TPRN: variants seen among roughly 807,000 people sequenced by gnomAD.
TPRN encodes the protein taperin, also known as chromosome 9 open reading frame 75.
In TPRN, 32 loss-of-function variants were observed where a neutral mutation model predicts 42.6. The observed-to-expected ratio is 0.75, with a 90% confidence interval of 0.57 to 1.01. The LOEUF (loss-of-function observed/expected upper bound fraction) is 1.01. Ranked by LOEUF, TPRN falls within the 50% of genes least tolerant of loss-of-function variation. The probability of loss-of-function intolerance (pLI) is 0.00; values close to 1 mark genes in which losing one functional copy is unlikely to be tolerated. For synonymous variants in TPRN, 541 were observed against 445.6 expected, an observed-to-expected ratio of 1.21 and a Z score of -2.70; for missense variants, 1,095 against 957.5, an observed-to-expected ratio of 1.14 and a Z score of -1.90.
In TPRN at chr9:137,192,382, A is replaced by T. The variant is rs746404370; in HGVS notation, c.1967-17T>A. On this transcript the variant is annotated splice_polypyrimidine_tract_variant and intron_variant, in intron 2 of 3. Coordinates refer to ENST00000409012, the MANE Select transcript of TPRN (RefSeq NM_001128228.3). ...TGGACAGGCCTGTGAATGGAGGTGC[A>T]CATGCAGACGTGGACACAGACCAGG... 35 of 1,612,730 alleles carry T rather than the reference A, an allele frequency of 2.2e-5. No individual in the cohort carries two copies. Among genetic ancestry groups the T allele is most frequent in the Non-Finnish European group, 3.0e-5 (35 of 1,179,960 alleles).
chr9:137,200,574 C>A lies in TPRN; in HGVS notation c.138G>T (p.Gln46His). ...GGCCCAGGCTCTCGGCCAGCACCCG[C>A]TGCTCGGGCTCCGCCGCCCCGGGCC... ...GAGPGAAEPEQRVLAESLGPL... is the reference protein window; with the variant it reads ...GAGPGAAEPEHRVLAESLGPL... The change falls in exon 1 of 4, where the codon CAG (glutamine) becomes CAT (histidine). Residue 46 changes from glutamine to histidine, a missense_variant. Gln to His is a conservative substitution (Grantham distance 24). Coordinates refer to ENST00000409012, the MANE Select transcript of TPRN (RefSeq NM_001128228.3). The surrounding 1 kb of genome is among the most constrained non-coding windows in gnomAD (Gnocchi z 4.3). The A allele has an allele frequency of 8.7e-7, 1 of 1,150,046 alleles. No homozygotes were observed. The highest frequency in any genetic ancestry group is 4.6e-5 in the East Asian group (1 of 21,964). The allele number at this position is 1,150,046 out of a possible 1,614,324, so 71.2% of individuals were successfully genotyped here.
intron 1 of TPRN, 142 bp from the exon 2 acceptor site, chr9:137,192,833 G>A: frequency 1.2e-6 from 1 of 859,188 alleles, no homozygotes; most frequent in Non-Finnish European, 1.9e-6. Context: ...GCTCCAGGAG[G>A]GGGCACAGAG....
At chr9:137,193,520 A>C (rs1834659595) in intron 1 of TPRN, 1 of 152,366 alleles carries the variant, frequency 6.6e-6, no homozygotes, top group South Asian at 2.1e-4. Flanking sequence ...GCTGGTTCCC[A>C]GGGGTAATGG....
At chr9:137,194,185 C>T (rs1372661788) in intron 1 of TPRN, 1 of 152,400 alleles carries the variant, frequency 6.6e-6, no homozygotes, top group East Asian at 1.9e-4. Flanking sequence ...GAGGAAAGCA[C>T]CCGCTCCTGT....
chr9:137,192,407 G>A (rs1245209149), intron 2 of TPRN, 42 bp from the exon 3 acceptor site: 1 of 1,611,902 alleles, frequency 6.2e-7, no homozygotes, highest in Admixed American at 1.7e-5. Context: ...CACAGACCAG[G>A]CTCCACCCCT....
rs149599810 is a variant in TPRN, at chr9:137,192,205, T to C, written c.2074-31A>G. On this transcript the variant is annotated intron_variant, in intron 3 of 3. Transcript: ENST00000409012. Reference sequence around the variant, plus strand: ...AGTGAGAGGACAGAATGTGGACACATGGGCTCGCCCGGGTGTCAGACTCCC... The same window carrying C: ...AGTGAGAGGACAGAATGTGGACACACGGGCTCGCCCGGGTGTCAGACTCCC... The C allele has an allele frequency of 2.8e-4, 459 of 1,613,344 alleles. 1 individual carries two copies. In the African/African-American group the frequency reaches 5.4e-3, roughly 19 times the overall value.
In TPRN at chr9:137,200,008, G is replaced by A; in HGVS notation, c.704C>T (p.Ala235Val). Reference sequence around the variant, plus strand: ...AGGCGGGGAGCCCGCGAGGCGGTTGGCAGGGCCGGCCCGGGGCTCAGGGGC... The same window carrying A: ...AGGCGGGGAGCCCGCGAGGCGGTTGACAGGGCCGGCCCGGGGCTCAGGGGC... ...HSAPEPRAGPANRLAGSPPGS... is the reference protein window; with the variant it reads ...HSAPEPRAGPVNRLAGSPPGS... Residue 235 changes from alanine to valine, a missense_variant, in exon 1 of 4, where the codon GCC (alanine) becomes GTC (valine). Transcript: ENST00000409012. The surrounding 1 kb of genome is among the most constrained non-coding windows in gnomAD (Gnocchi z 4.3). 6.9e-7 allele frequency: 1 copy of A among 1,444,992 alleles called. No individual in the cohort carries two copies. Among genetic ancestry groups the A allele is most frequent in the East Asian group, 2.5e-5 (1 of 40,086 alleles). 89.5% of individuals were successfully genotyped at this position (1,444,992 alleles called of 1,614,324 possible). A position where few individuals can be genotyped will look rare whatever the true frequency, so the allele number is the denominator to read the frequency against.
chr9:137,200,130 G>T lies in TPRN; in HGVS notation c.582C>A (p.Ser194Arg), dbSNP rs1376588720. ...GGGASPGARRSDFLQKTGSNS... is the reference protein window; with the variant it reads ...GGGASPGARRRDFLQKTGSNS... ...TGCTGCCGGTCTTCTGGAGGAAGTC[G>T]CTGCGCCGGGCCCCGGGGCTCGCCC... Residue 194 changes from serine (S) to arginine (R), a missense_variant, in exon 1 of 4, where the codon AGC becomes AGA. Ser to Arg is a moderately radical substitution (Grantham distance 110). Coordinates refer to ENST00000409012, the MANE Select transcript of TPRN (RefSeq NM_001128228.3). This position sits in a 1 kb window ranked among gnomAD's most constrained non-coding sequence, Gnocchi z 4.3. 8 of 1,231,954 alleles carry T rather than the reference G, an allele frequency of 6.5e-6. No individual in the cohort carries two copies. Among genetic ancestry groups the T allele is most frequent in the Non-Finnish European group, 7.1e-6 (7 of 988,214 alleles). 76.3% of individuals were successfully genotyped at this position (1,231,954 alleles called of 1,614,324 possible). A position where few individuals can be genotyped will look rare whatever the true frequency, so the allele number is the denominator to read the frequency against.
rs1313366490 is a variant in TPRN, at chr9:137,199,410, C to T, written c.1302G>A (p.Glu434=). ...PAASEEAEPA[E]GLRVPGLAKN... ...TGGCCAAGCCAGGAACCCTGAGGCCCTCAGCAGGCTCAGCTTCTTCCGAAG... is the reference window on the plus strand; with the variant it reads ...TGGCCAAGCCAGGAACCCTGAGGCCTTCAGCAGGCTCAGCTTCTTCCGAAG... Residue 434 remains glutamate (E), a synonymous_variant, in exon 1 of 4, where the codon GAG becomes GAA. Transcript: ENST00000409012. 5 of 1,612,176 alleles carry T rather than the reference C, an allele frequency of 3.1e-6. No individual in the cohort carries two copies. Among genetic ancestry groups the T allele is most frequent in the Non-Finnish European group, 4.2e-6 (5 of 1,179,734 alleles).
intron 1 of TPRN, among the ~76,000 whole-genome samples, chr9:137,197,138 G>A (rs936483138): frequency 4.6e-5 from 7 of 152,176 alleles, no homozygotes; most frequent in South Asian, 4.1e-4. Context: ...TCACTCTGTC[G>A]CCCAGGCTGG....
Position 137,192,248 on chromosome 9 carries a change from C to G in TPRN, c.2073+11G>C. ...AGACTCCCCCCAGCGCTCCACTCCCCCGCATCTCACCATGGCCTCCACGGG... is the reference window on the plus strand; with the variant it reads ...AGACTCCCCCCAGCGCTCCACTCCCGCGCATCTCACCATGGCCTCCACGGG... On this transcript the variant is annotated intron_variant, in intron 3 of 3. Coordinates refer to ENST00000409012, the MANE Select transcript of TPRN (RefSeq NM_001128228.3). The G allele has an allele frequency of 6.2e-7, 1 of 1,613,182 alleles. No homozygotes were observed. Among genetic ancestry groups the G allele is most frequent in the Non-Finnish European group, 8.5e-7 (1 of 1,180,012 alleles).
intron 1 of TPRN, among the ~76,000 whole-genome samples, chr9:137,195,298 C>T (rs1463584113): frequency 1.3e-5 from 2 of 152,252 alleles, no homozygotes; most frequent in Non-Finnish European, 2.9e-5. Flanking sequence ...GCGCCAGGCA[C>T]GGCCTCCACC....
At position 137,200,220 on chromosome 9, in the gene TPRN, GGGCGGCGGCGGC is replaced by G; in HGVS notation, c.480_491del (p.Pro161_Pro164del). ...CCGCGGGCGGGGGCCGGGGCGGCGC[GGGCGGCGGCGGC>G]GGCGGCGGGGGGCGGGCGCGCTCGG... On this transcript the variant is annotated inframe_deletion, in exon 1 of 4. Coordinates refer to ENST00000409012, the MANE Select transcript of TPRN (RefSeq NM_001128228.3). This position sits in a 1 kb window ranked among gnomAD's most constrained non-coding sequence, Gnocchi z 4.3. 1 of 958,710 alleles carries G rather than the reference GGGCGGCGGCGGC, an allele frequency of 1.0e-6. No individual in the cohort carries two copies. The highest frequency in any genetic ancestry group is 1.2e-6 in the Non-Finnish European group (1 of 810,546). The allele number at this position is 958,710 out of a possible 1,614,324, so 59.4% of individuals were successfully genotyped here. A position where few individuals can be genotyped will look rare whatever the true frequency, so the allele number is the denominator to read the frequency against.
At position 137,199,061 on chromosome 9, in the gene TPRN, C is replaced by T; in HGVS notation, c.1651G>A (p.Glu551Lys). ...AGGTAGCCGCCAATCACCTCGATCT[C>T]ATGCACGGTGGGGTAGCGCTTCTTC... is the stretch of plus-strand genomic sequence containing the variant. ...TLKKRYPTVHEIEVIGGYLAL... is the reference protein window; with the variant it reads ...TLKKRYPTVHKIEVIGGYLAL... The change falls in exon 1 of 4, where the codon GAG becomes AAG. Residue 551 changes from glutamate to lysine, a missense_variant. Physicochemically the swap from Glu to Lys is moderately conservative, Grantham distance 56. Transcript: ENST00000409012. 6.2e-7 allele frequency: 1 copy of T among 1,613,362 alleles called. No homozygotes were observed. The highest frequency in any genetic ancestry group is 8.5e-7 in the Non-Finnish European group (1 of 1,180,014).
In TPRN at chr9:137,192,305, AGCGCCTGCTCCT is replaced by A. The variant is rs1834633490; in HGVS notation, c.2015_2026del (p.Gln672_Ala675del). 4 of 1,612,928 alleles carry A rather than the reference AGCGCCTGCTCCT, an allele frequency of 2.5e-6. No homozygotes were observed. The highest frequency in any genetic ancestry group is 2.5e-6 in the Non-Finnish European group (3 of 1,180,002). ...CTCTGCCTCCCTCGGGGCCTGCTCC[AGCGCCTGCTCCT>A]GCCACTTGCTGAAGGCCACAGAGTG... On this transcript the variant is annotated inframe_deletion, in exon 3 of 4. Transcript: ENST00000409012.
In TPRN at chr9:137,200,665, G is replaced by A. The variant is rs955029230; in HGVS notation, c.47C>T (p.Pro16Leu). Residue 16 changes from proline to leucine, a missense_variant, in exon 1 of 4, where the codon CCC becomes CTC. Pro to Leu is a moderately conservative substitution (Grantham distance 98). Coordinates refer to ENST00000409012, the MANE Select transcript of TPRN (RefSeq NM_001128228.3). This position sits in a 1 kb window ranked among gnomAD's most constrained non-coding sequence, Gnocchi z 4.3. ...RPGSGPRAAV[P>L]AWKREILERK... ...CTCCAGGATCTCACGCTTCCAAGCGGGCACCGCAGCGCGCGGCCCCGAGCC... is the reference window on the plus strand; with the variant it reads ...CTCCAGGATCTCACGCTTCCAAGCGAGCACCGCAGCGCGCGGCCCCGAGCC... 4.0e-6 allele frequency: 5 copies of A among 1,237,472 alleles called. No individual in the cohort carries two copies. Among genetic ancestry groups the A allele is most frequent in the Admixed American group, 3.4e-5 (1 of 29,702 alleles). The allele number at this position is 1,237,472 out of a possible 1,614,324, so 76.7% of individuals were successfully genotyped here.
intron 1 of TPRN, among the ~76,000 whole-genome samples, chr9:137,198,472 A>G (rs549145164): frequency 1.3e-5 from 2 of 152,152 alleles, no homozygotes; most frequent in Non-Finnish European, 2.9e-5. Flanking sequence ...CCCTCTCCCA[A>G]CTGGCTGGTG....
At chr9:137,197,094 C>T (rs1834716258) in intron 1 of TPRN, among the ~76,000 whole-genome samples, 2 of 152,166 alleles carry the variant, frequency 1.3e-5, no homozygotes, top group South Asian at 4.1e-4. Flanking sequence ...ACAGTTCTGT[C>T]CCTTCTTTGC....
rs762070323 is a variant in TPRN, at chr9:137,192,512, G to A, written c.1905C>T (p.Pro635=). ...TCACGCTGCTCACAAACGTGGCCCG[G>A]GGCAGGAAGAGTGCAAAGGGCTTCT... ...SEEKPFALFL[P]RATFVSSVRP... Residue 635 remains proline, a synonymous_variant, in exon 2 of 4, where the codon CCC becomes CCT. Coordinates refer to ENST00000409012, the MANE Select transcript of TPRN (RefSeq NM_001128228.3). 7.8e-5 allele frequency: 126 copies of A among 1,606,420 alleles called. No individual in the cohort carries two copies. The Middle Eastern group carries it at 8.3e-4, about 11-fold the overall frequency.
Sources: gnomAD v4.1 joint callset for allele counts (sites outside exome capture counted in the v4.1 genomes callset) on GRCh38, gnomAD v4.1.1 for gene constraint, Gnocchi (gnomAD v3.1) non-coding constraint, MANE v1.5 for transcripts, NCBI Gene and HGNC (gene_info 2026-07-23, HGNC 2026-07-21) for gene names.